The following RASGRF2 variants were observed in gnomAD, a reference collection of about 807,000 sequenced individuals.
RASGRF2 encodes the protein Ras protein specific guanine nucleotide releasing factor 2, also known as ras-specific guanine nucleotide-releasing factor 2.
In RASGRF2, 76 loss-of-function variants were observed where a neutral mutation model predicts 151.0. The observed-to-expected ratio is 0.50, with a 90% CI of 0.42 to 0.61. The LOEUF is 0.61. RASGRF2 is among the 20% of genes least tolerant of loss of function. RASGRF2 has a pLI of 0.00. For synonymous variants in RASGRF2, 504 were observed against 566.5 expected (o/e 0.89, Z 1.57); for missense variants, 1,148 against 1,564.6 (o/e 0.73, Z 4.49).
intron 1 of RASGRF2, among the ~76,000 whole-genome samples, chr5:80,975,032 T>G (rs750199648): frequency 1.3e-5 from 2 of 152,062 alleles, no homozygotes; most frequent in Non-Finnish European, 2.9e-5. Flanking sequence ...CTTCCCAGAG[T>G]CTTCTCTGGA....
In RASGRF2 at chr5:81,205,935, G is replaced by C. The variant is rs111763312; in HGVS notation, c.2907-910G>C. 4.7e-3 allele frequency among the ~76,000 whole-genome samples: 717 copies of C among 152,188 alleles called. 8 individuals are homozygous for C. The highest frequency in any genetic ancestry group is 0.017 in the African/African-American group (696 of 41,524). ...CAGCTAATTTTTTGTATTTTTAGTAGAGGCAGGGTTTCACCGTGTTAGCCA... is the reference window on the plus strand; with the variant it reads ...CAGCTAATTTTTTGTATTTTTAGTACAGGCAGGGTTTCACCGTGTTAGCCA... On this transcript the variant is annotated intron_variant, in intron 19 of 26. Coordinates refer to ENST00000265080, the MANE Select transcript of RASGRF2 (RefSeq NM_006909.3).
chr5:81,058,039 T>C (rs1031884772), intron 2 of RASGRF2, among the ~76,000 whole-genome samples: 2 of 152,038 alleles, frequency 1.3e-5, no homozygotes, highest in Non-Finnish European at 2.9e-5. Flanking sequence ...AACCCTGTTT[T>C]CCAGCTATCT....
chr5:81,042,538 C>CA (rs1750709194), intron 1 of RASGRF2, among the ~76,000 whole-genome samples: 1 of 152,132 alleles, frequency 6.6e-6, no homozygotes, highest in Non-Finnish European at 1.5e-5. Context: ...TATCACACCA[C>CA]AAAAAAGGAA....
intron 13 of RASGRF2, 75 bp downstream of exon 13, chr5:81,109,153 T>C (rs1472299152): frequency 1.3e-6 from 2 of 1,531,908 alleles, no homozygotes; most frequent in Non-Finnish European, 1.8e-6. Flanking sequence ...TTGAATAAAA[T>C]ACTGTGTCAA....
intron 1 of RASGRF2, among the ~76,000 whole-genome samples, chr5:80,961,860 G>C (rs967634023): frequency 1.3e-5 from 2 of 152,144 alleles, no homozygotes; most frequent in Non-Finnish European, 2.9e-5. Flanking sequence ...CACAAAGTTT[G>C]TATGTTTCCA....
chr5:81,013,050 G>T (rs1749519709), intron 1 of RASGRF2, among the ~76,000 whole-genome samples: 1 of 152,124 alleles, frequency 6.6e-6, no homozygotes, highest in African/African-American at 2.4e-5. Context: ...CCCAAATACG[G>T]TAATGGCTGC....
intron 1 of RASGRF2, among the ~76,000 whole-genome samples, chr5:80,967,324 G>A (rs139890403): frequency 6.6e-6 from 1 of 152,120 alleles, no homozygotes; most frequent in Non-Finnish European, 1.5e-5. Context: ...GGAGGTGGAG[G>A]TTGCAGTTAG....
At chr5:81,017,955 A>C (rs1236547048) in intron 1 of RASGRF2, among the ~76,000 whole-genome samples, 2 of 152,074 alleles carry the variant, frequency 1.3e-5, no homozygotes, top group Non-Finnish European at 2.9e-5. Flanking sequence ...ACAACAACAA[A>C]AAAATTAGCC....
At chr5:81,216,528 T>C (rs1755744203) in intron 24 of RASGRF2, among the ~76,000 whole-genome samples, 1 of 149,258 alleles carries the variant, frequency 6.7e-6, no homozygotes, top group Admixed American at 6.6e-5. Context: ...ATAATAATAA[T>C]AGCAATAATA....
chr5:81,157,126 G>A (rs1754277937), intron 17 of RASGRF2, among the ~76,000 whole-genome samples: 1 of 152,106 alleles, frequency 6.6e-6, no homozygotes, highest in Admixed American at 6.6e-5. Context: ...AGCACTTTGG[G>A]AGGCTGAGGC....
rs1319178962 is a variant in RASGRF2, at chr5:81,229,469, G to C, written c.*3699G>C. 1 of 152,140 alleles carries C rather than the reference G, an allele frequency of 6.6e-6. No individual in the cohort carries two copies. The highest frequency in any genetic ancestry group is 1.5e-5 in the Non-Finnish European group (1 of 68,028). The allele number at this position is 152,140 out of a possible 1,614,324, so 9.4% of individuals were successfully genotyped here. A position where few individuals can be genotyped will look rare whatever the true frequency, so the allele number is the denominator to read the frequency against. ...AGTGTGTCATTTCTCAGCGGCCATT[G>C]GTGACTTAAAATTAAGATGAGGCAG... is the stretch of plus-strand genomic sequence containing the variant. On this transcript the variant is annotated 3_prime_UTR_variant, in exon 27 of 27. Coordinates refer to ENST00000265080, the MANE Select transcript of RASGRF2 (RefSeq NM_006909.3).
chr5:81,101,202 A>G (rs1477379144), intron 12 of RASGRF2, among the ~76,000 whole-genome samples: 2 of 152,324 alleles, frequency 1.3e-5, no homozygotes, highest in Admixed American at 6.5e-5. Flanking sequence ...TTATTTGAAT[A>G]TATTTCTTCT....
At chr5:81,073,936 C>G (rs547046327) in intron 5 of RASGRF2, among the ~76,000 whole-genome samples, 2 of 152,274 alleles carry the variant, frequency 1.3e-5, no homozygotes, top group East Asian at 3.9e-4. Flanking sequence ...ATTTTTACAT[C>G]TTTACTTGAA....
At chr5:81,067,442 T>C (rs966469382) in intron 2 of RASGRF2, among the ~76,000 whole-genome samples, 8 of 152,214 alleles carry the variant, frequency 5.3e-5, no homozygotes, top group Admixed American at 1.3e-4. Context: ...CCAAATAATC[T>C]AAACTTAATT....
intron 2 of RASGRF2, among the ~76,000 whole-genome samples, chr5:81,055,227 A>G (rs1751156008): frequency 6.6e-6 from 1 of 152,180 alleles, no homozygotes; most frequent in Admixed American, 6.5e-5. Context: ...GAATGCTTCC[A>G]GGTTTTGCCC....
intron 1 of RASGRF2, among the ~76,000 whole-genome samples, chr5:81,035,644 G>A (rs1750463199): frequency 6.6e-6 from 1 of 151,670 alleles, no homozygotes; most frequent in South Asian, 2.1e-4. Flanking sequence ...CAACTTAATA[G>A]ACTGGCTAAG....
At chr5:80,967,747 A>G (rs886845889) in intron 1 of RASGRF2, among the ~76,000 whole-genome samples, 7 of 152,210 alleles carry the variant, frequency 4.6e-5, no homozygotes, top group African/African-American at 1.7e-4. Flanking sequence ...GCATTTAGCA[A>G]TGTGGAAATA....
At chr5:81,051,590 T>C (rs1218210262) in intron 2 of RASGRF2, among the ~76,000 whole-genome samples, 1 of 152,244 alleles carries the variant, frequency 6.6e-6, no homozygotes, top group African/African-American at 2.4e-5. Context: ...AAACATTTTG[T>C]GTCTGATTTC....
intron 16 of RASGRF2, among the ~76,000 whole-genome samples, chr5:81,124,580 CATT>C (rs1436549108): frequency 3.3e-5 from 5 of 152,060 alleles, no homozygotes; most frequent in Non-Finnish European, 1.5e-5. Context: ...CCCCAGTCAT[CATT>C]ATTGCTAGTG....
Sources: allele counts gnomAD v4.1 joint callset (sites outside exome capture counted in the v4.1 genomes callset), GRCh38; gene constraint gnomAD v4.1.1; transcripts MANE v1.5; gene names NCBI Gene and HGNC (gene_info 2026-07-23, HGNC 2026-07-21).